HPSE2: variants seen among roughly 807,000 people sequenced by gnomAD.
HPSE2 encodes inactive heparanase-2.
Under a neutral mutation model 60.5 loss-of-function variants are expected in HPSE2, and 38 were observed. The ratio of observed to expected loss-of-function variants is 0.63; its 90% CI spans 0.48 to 0.82. HPSE2 has a LOEUF of 0.82. HPSE2 is among the 40% of genes least tolerant of loss of function. The pLI, the probability that HPSE2 is intolerant of heterozygous loss-of-function variation, is 0.00. For missense variants in HPSE2, 713 were observed against 740.4 expected (o/e 0.96, Z 0.43); for synonymous variants, 295 against 293.2 (o/e 1.01, Z -0.06).
intron 2 of HPSE2, among the ~76,000 whole-genome samples, chr10:99,179,684 C>G (rs1239309902): frequency 6.6e-6 from 1 of 151,232 alleles, no homozygotes; most frequent in Non-Finnish European, 1.5e-5. Context: ...CCATACTGCC[C>G]AAAGTAATTT....
the HPSE2 span, among the ~76,000 whole-genome samples, chr10:99,266,742 C>A: frequency 6.6e-6 from 1 of 152,290 alleles, no homozygotes; most frequent in Non-Finnish European, 1.5e-5. Flanking sequence ...CTGACAGAGT[C>A]CATTTTACTT....
chr10:98,592,502 T>G (rs755191153), intron 9 of HPSE2, among the ~76,000 whole-genome samples: 116 of 152,238 alleles, frequency 7.6e-4, no homozygotes, highest in Non-Finnish European at 3.4e-4. Context: ...GTCCATATTT[T>G]TAACTTCCCC....
intron 9 of HPSE2, among the ~76,000 whole-genome samples, chr10:98,541,513 G>A (rs1449937670): frequency 6.6e-6 from 1 of 152,168 alleles, no homozygotes; most frequent in Non-Finnish European, 1.5e-5. Context: ...ATCAGGGCGA[G>A]GCATTGCCTC....
intron 3 of HPSE2, among the ~76,000 whole-genome samples, chr10:98,960,972 A>C: frequency 1.2e-5 from 1 of 83,780 alleles, no homozygotes; most frequent in South Asian, 5.9e-4. Context: ...ATTCCCACCT[A>C]TGAGTGAGAA....
chr10:99,213,543 A>C lies in HPSE2; in HGVS notation c.448+18805T>G, dbSNP rs576819486. Among the ~76,000 whole-genome samples, 3 of 152,280 alleles carry C rather than the reference A, an allele frequency of 2.0e-5. No homozygotes were observed. In the South Asian group the frequency reaches 6.2e-4, roughly 32 times the overall value. On this transcript the variant is annotated intron_variant, in intron 2 of 11. Coordinates refer to ENST00000370552, the MANE Select transcript of HPSE2 (RefSeq NM_021828.5). ...CCCACACACAACTTCAGTTTGAGGCATATATCTTATACAATGTCACTGTCA... is the reference window on the plus strand; with the variant it reads ...CCCACACACAACTTCAGTTTGAGGCCTATATCTTATACAATGTCACTGTCA...
chr10:98,836,342 T>C (rs1367069047), intron 3 of HPSE2, among the ~76,000 whole-genome samples: 2 of 152,188 alleles, frequency 1.3e-5, no homozygotes, highest in Non-Finnish European at 2.9e-5. Context: ...ACCTGAGTTA[T>C]AAAGTAATTT....
At chr10:98,755,962 C>G (rs1364250666) in intron 3 of HPSE2, among the ~76,000 whole-genome samples, 1 of 152,056 alleles carries the variant, frequency 6.6e-6, no homozygotes, top group Non-Finnish European at 1.5e-5. Context: ...TGCCACTGCA[C>G]CCCAGCCTGG....
At position 98,711,076 on chromosome 10, in the gene HPSE2, AATGGGGG is replaced by A. The variant is rs560382032; in HGVS notation, c.956+10574_956+10580del. Among the ~76,000 whole-genome samples the A allele has an allele frequency of 6.3e-4, 96 of 152,214 alleles. 1 individual carries two copies. The highest frequency in any genetic ancestry group is 3.3e-3 in the Admixed American group (50 of 15,268). ...ATTGGAAAGAAGAAAAAGACAGGGA[AATGGGGG>A]ATGATGAGAAAAGATGATGAAAGAG... On this transcript the variant is annotated intron_variant, in intron 5 of 11. Transcript: ENST00000370552.
rs374039604 is a variant in HPSE2 at position 98,644,862 on chromosome 10, G to A, written c.1005-2922C>T. Among the ~76,000 whole-genome samples, 13 of 152,334 alleles carry A rather than the reference G, an allele frequency of 8.5e-5. No individual in the cohort carries two copies. In the South Asian group the frequency reaches 2.7e-3, roughly 32 times the overall value. On this transcript the variant is annotated intron_variant, in intron 6 of 11. Transcript: ENST00000370552. The stretch of plus-strand genomic sequence containing the variant: ...CTTGTCCCCAGTTTTACCCTTACAA[G>A]CTGTATCCAATCATTCTCAGGTAAT...
chr10:99,305,979 G>GCGCGTGCACACACACACACACA, the HPSE2 span, among the ~76,000 whole-genome samples: 1 of 80,580 alleles, frequency 1.2e-5, no homozygotes, highest in African/African-American at 5.4e-5. Flanking sequence ...GCGCGCGCGC[G>GCGCGTGCACACACACACACACA]CACACACACA....
At chr10:98,926,805 G>T (rs1300338932) in intron 3 of HPSE2, among the ~76,000 whole-genome samples, 1 of 152,140 alleles carries the variant, frequency 6.6e-6, no homozygotes. Context: ...GGAAAAGTCT[G>T]CTCCCAAACT....
At chr10:98,874,653 T>C (rs905060326) in intron 3 of HPSE2, among the ~76,000 whole-genome samples, 1 of 152,044 alleles carries the variant, frequency 6.6e-6, no homozygotes, top group Non-Finnish European at 1.5e-5. Flanking sequence ...CTATGTCGAA[T>C]AGGAATGATG....
chr10:98,557,698 C>G (rs1453939100), intron 9 of HPSE2, among the ~76,000 whole-genome samples: 1 of 152,188 alleles, frequency 6.6e-6, no homozygotes, highest in African/African-American at 2.4e-5. Flanking sequence ...CGCCTGCAAT[C>G]CCAGCACTTT....
At chr10:98,778,911 G>A (rs1295108194) in intron 3 of HPSE2, among the ~76,000 whole-genome samples, 2 of 152,260 alleles carry the variant, frequency 1.3e-5, no homozygotes, top group Non-Finnish European at 2.9e-5. Context: ...AAGAAGTTGT[G>A]AAAGTCAAAT....
intron 3 of HPSE2, among the ~76,000 whole-genome samples, chr10:99,081,642 AT>A (rs35391002): frequency 1.3e-4 from 19 of 145,488 alleles, no homozygotes; most frequent in South Asian, 6.6e-4. Context: ...ATTTCTTTTT[AT>A]TTTTTTTTTT....
At chr10:98,550,624 C>T (rs766453761) in intron 9 of HPSE2, among the ~76,000 whole-genome samples, 25 of 152,172 alleles carry the variant, frequency 1.6e-4, no homozygotes, top group Non-Finnish European at 2.8e-4. Flanking sequence ...CCCGCCACCA[C>T]GCCTGGCTAA....
intron 2 of HPSE2, among the ~76,000 whole-genome samples, chr10:99,146,812 G>A (rs1206968165): frequency 6.6e-6 from 1 of 152,172 alleles, no homozygotes; most frequent in Non-Finnish European, 1.5e-5. Flanking sequence ...AGTGAGCCGA[G>A]ATCGTACCAC....
At chr10:99,136,782 T>C (rs1845674303) in intron 3 of HPSE2, among the ~76,000 whole-genome samples, 1 of 152,094 alleles carries the variant, frequency 6.6e-6, no homozygotes, top group African/African-American at 2.4e-5. Flanking sequence ...ACAACCAATA[T>C]CATACTGAAT....
At chr10:99,278,662 A>AT in the HPSE2 span, among the ~76,000 whole-genome samples, 1 of 152,232 alleles carries the variant, frequency 6.6e-6, no homozygotes, top group African/African-American at 2.4e-5. Flanking sequence ...GGCAACTAGC[A>AT]TTCATGGCCA....
Sources: gnomAD v4.1 joint callset for allele counts (sites outside exome capture counted in the v4.1 genomes callset) on GRCh38, gnomAD v4.1.1 for gene constraint, MANE v1.5 for transcripts, NCBI Gene and HGNC (gene_info 2026-07-23, HGNC 2026-07-21) for gene names.